PTPN13: variants seen among roughly 807,000 people sequenced by gnomAD.
PTPN13 encodes the protein protein tyrosine phosphatase non-receptor type 13, also known as tyrosine-protein phosphatase non-receptor type 13.
A neutral mutation model predicts 284.0 loss-of-function variants in PTPN13; 191 were observed. The ratio of observed to expected loss-of-function variants is 0.67; its 90% CI spans 0.60 to 0.76. PTPN13 has a LOEUF of 0.76. PTPN13 is among the 30% of genes least tolerant of loss of function. The pLI, the probability that PTPN13 is intolerant of heterozygous loss-of-function variation, is 0.00. For synonymous variants in PTPN13, 986 were observed against 1,022.3 expected, an observed-to-expected ratio of 0.96 and a Z score of 0.68; for missense variants, 2,797 against 2,939.9, an observed-to-expected ratio of 0.95 and a Z score of 1.12.
At chr4:86,758,201 C>A in intron 20 of PTPN13, 59 bp from the exon 21 acceptor site, 1 of 1,181,652 alleles carries the variant, frequency 8.5e-7, no homozygotes. Flanking sequence ...TTAAAACAAG[C>A]TGACAGTCTT....
At chr4:86,657,816 A>G (rs1003176830) in intron 2 of PTPN13, among the ~76,000 whole-genome samples, 4 of 152,158 alleles carry the variant, frequency 2.6e-5, no homozygotes, top group African/African-American at 9.7e-5. Flanking sequence ...GGAATCTGCT[A>G]AGCTGGTGCC....
intron 40 of PTPN13, among the ~76,000 whole-genome samples, chr4:86,787,484 C>T (rs1274911334): frequency 2.6e-5 from 4 of 151,532 alleles, no homozygotes; most frequent in African/African-American, 7.3e-5. Flanking sequence ...CCCAGCTACT[C>T]GGGAGGCTGA....
chr4:86,645,657 C>T (rs552502061), intron 2 of PTPN13, among the ~76,000 whole-genome samples: 1 of 152,072 alleles, frequency 6.6e-6, no homozygotes, highest in Admixed American at 6.5e-5. Flanking sequence ...GCCTATGAAA[C>T]AAAAAGTAAA....
At chr4:86,641,390 T>C (rs1362220552) in intron 2 of PTPN13, among the ~76,000 whole-genome samples, 1 of 152,122 alleles carries the variant, frequency 6.6e-6, no homozygotes, top group Admixed American at 6.6e-5. Flanking sequence ...AGAATATGAG[T>C]GCAAGCATGC....
At chr4:86,684,598 A>T (rs1424052363) in intron 3 of PTPN13, among the ~76,000 whole-genome samples, 1 of 152,184 alleles carries the variant, frequency 6.6e-6, no homozygotes, top group East Asian at 1.9e-4. Context: ...TTTAGGAAGC[A>T]ATGTAAGGGA....
At position 86,797,024 on chromosome 4, in the gene PTPN13, G is replaced by A. The variant is rs559434538; in HGVS notation, c.6401+95G>A. ...TGTTTTCCAGTATAAAATAAGCATA[G>A]TTGAGTAGATTATAAAACTATGGTT... On this transcript the variant is annotated intron_variant, in intron 41 of 47. Transcript: ENST00000411767. 18 of 877,250 alleles carry A rather than the reference G, an allele frequency of 2.1e-5. No homozygotes were observed. The Admixed American group carries it at 4.2e-4, about 20-fold the overall frequency. The allele number at this position is 877,250 out of a possible 1,614,324, so 54.3% of individuals were successfully genotyped here. A position where few individuals can be genotyped will look rare whatever the true frequency, so the allele number is the denominator to read the frequency against.
chr4:86,795,294 A>G (rs148372612), intron 40 of PTPN13, among the ~76,000 whole-genome samples: 43,239 of 152,188 alleles, frequency 0.28, 6,227 homozygotes, highest in East Asian at 0.33. Context: ...AAAAATGCTC[A>G]TCATCACTGG....
At chr4:86,625,877 C>A (rs1721780758) in intron 1 of PTPN13, among the ~76,000 whole-genome samples, 1 of 152,090 alleles carries the variant, frequency 6.6e-6, no homozygotes, top group Admixed American at 6.6e-5. Context: ...TTTACTTGAT[C>A]TTTTGTGTTT....
At position 86,689,168 on chromosome 4, in the gene PTPN13, T is replaced by C. The variant is rs750406366; in HGVS notation, c.524T>C (p.Leu175Pro). The change falls in exon 5 of 48, where the codon CTG becomes CCG. Residue 175 changes from leucine (L) to proline (P), a missense_variant. Leu to Pro is a moderately conservative substitution (Grantham distance 98). Coordinates refer to ENST00000411767, the MANE Select transcript of PTPN13 (RefSeq NM_080683.3). ...TCCTACGTGAAACACTTGGTAAAAC[T>C]GGTTCTGGGAAATCTTTCTGGGGTA... ...SFSYVKHLVK[L>P]VLGNLSGTDQ... The C allele has an allele frequency of 1.7e-5, 27 of 1,613,246 alleles. No individual in the cohort carries two copies. In the African/African-American group the frequency reaches 3.2e-4, roughly 19 times the overall value.
At chr4:86,595,073 G>T (rs115159823) in intron 1 of PTPN13, among the ~76,000 whole-genome samples, 7,814 of 152,234 alleles carry the variant, frequency 0.051, 298 homozygotes, top group Middle Eastern at 0.095. Context: ...TCTCGGGAAT[G>T]AAACCCACAG....
intron 6 of PTPN13, among the ~76,000 whole-genome samples, chr4:86,699,704 A>G (rs988726357): frequency 2.0e-5 from 3 of 152,296 alleles, no homozygotes; most frequent in African/African-American, 7.2e-5. Context: ...GATAAGGCAG[A>G]TGGTTAAGTT....
intron 38 of PTPN13, 92 bp from the exon 39 acceptor site, chr4:86,785,139 G>C: frequency 1.0e-6 from 1 of 981,148 alleles, no homozygotes; most frequent in Non-Finnish European, 1.4e-6. Flanking sequence ...CTTAAAATTT[G>C]AAAGCACCTA....
intron 2 of PTPN13, among the ~76,000 whole-genome samples, chr4:86,656,693 G>T (rs773832207): frequency 4.6e-5 from 7 of 152,210 alleles, no homozygotes; most frequent in African/African-American, 1.7e-4. Context: ...TGAGGAGGCA[G>T]TCTGTCTGTT....
chr4:86,601,330 C>G (rs1243831223), intron 1 of PTPN13, among the ~76,000 whole-genome samples: 1 of 152,012 alleles, frequency 6.6e-6, no homozygotes, highest in Non-Finnish European at 1.5e-5. Context: ...AGCTTAAATT[C>G]TGGCACTGCC....
intron 7 of PTPN13, among the ~76,000 whole-genome samples, chr4:86,715,981 A>T (rs919921351): frequency 2.0e-5 from 3 of 152,160 alleles, no homozygotes; most frequent in Non-Finnish European, 4.4e-5. Context: ...CCCCTTCCAA[A>T]TGCTTATCTT....
At chr4:86,731,773 A>G (rs1016915902) in intron 10 of PTPN13, among the ~76,000 whole-genome samples, 1 of 152,148 alleles carries the variant, frequency 6.6e-6, no homozygotes, top group African/African-American at 2.4e-5. Flanking sequence ...CCCTCTAAGC[A>G]GCTGAACTAC....
chr4:86,803,532 G>A (rs924614650), intron 42 of PTPN13, among the ~76,000 whole-genome samples, 177 bp from the exon 43 acceptor site: 3 of 152,162 alleles, frequency 2.0e-5, no homozygotes, highest in Non-Finnish European at 4.4e-5. Context: ...GATCAAGGCC[G>A]CAGTGAGCTG....
chr4:86,634,594 C>A (rs12509049), intron 1 of PTPN13, among the ~76,000 whole-genome samples: 2 of 152,072 alleles, frequency 1.3e-5, no homozygotes, highest in Non-Finnish European at 1.5e-5. Flanking sequence ...CATAGCCACC[C>A]AAAATGACAT....
At chr4:86,753,970 A>G (rs1737700869) in intron 20 of PTPN13, among the ~76,000 whole-genome samples, 1 of 152,114 alleles carries the variant, frequency 6.6e-6, no homozygotes. Context: ...CAGAAGGCAT[A>G]AGACTGAACT....
Sources: gnomAD v4.1 joint callset for allele counts (sites outside exome capture counted in the v4.1 genomes callset) on GRCh38, gnomAD v4.1.1 for gene constraint, MANE v1.5 for transcripts, NCBI Gene and HGNC (gene_info 2026-07-23, HGNC 2026-07-21) for gene names.